ALPK2: variants seen among roughly 807,000 people sequenced by gnomAD.
ALPK2 encodes alpha-protein kinase 2.
In ALPK2, 127 loss-of-function variants were observed where a neutral mutation model predicts 163.1. The ratio of observed to expected loss-of-function variants is 0.78; its 90% CI spans 0.67 to 0.90. The LOEUF is 0.90. Among genes scored for constraint, ALPK2 ranks in the 40% least tolerant of loss-of-function variants. The pLI, the probability that ALPK2 is intolerant of heterozygous loss-of-function variation, is 0.00. For synonymous variants in ALPK2, 953 were observed against 959.1 expected (o/e 0.99, Z 0.12); for missense variants, 2,360 against 2,589.6 (o/e 0.91, Z 1.92).
chr18:58,578,736 A>ACACACACGCGCGCACGCGCG lies in ALPK2; in HGVS notation c.1962+77_1962+78insCGCGCGTGCGCGCGTGTGTG, dbSNP rs773192836. On this transcript the variant is annotated intron_variant, in intron 4 of 12. Coordinates refer to ENST00000361673, the MANE Select transcript of ALPK2 (RefSeq NM_052947.4). ...GTGAATGTGAAGTAAAGGAAGAGAC[A>ACACACACGCGCGCACGCGCG]CACACACACACACACACACACACAC... is the stretch of plus-strand genomic sequence containing the variant. 3.0e-4 allele frequency: 231 copies of ACACACACGCGCGCACGCGCG among 759,636 alleles called. 7 individuals carry two copies. The highest frequency in any genetic ancestry group is 4.5e-4 in the South Asian group (23 of 51,518). The allele number at this position is 759,636 out of a possible 1,614,324, so 47.1% of individuals were successfully genotyped here.
intron 4 of ALPK2, among the ~76,000 whole-genome samples, chr18:58,567,276 C>T (rs1160007045): frequency 1.3e-5 from 2 of 151,648 alleles, no homozygotes; most frequent in African/African-American, 4.8e-5. Context: ...CCCAACTACT[C>T]GGAAGGCTGA....
intron 4 of ALPK2, among the ~76,000 whole-genome samples, chr18:58,565,123 T>C (rs2051844852): frequency 1.3e-5 from 2 of 152,350 alleles, no homozygotes; most frequent in African/African-American, 4.8e-5. Context: ...TTTTGAAGCA[T>C]CCATCATTTG....
intron 10 of ALPK2, among the ~76,000 whole-genome samples, chr18:58,505,680 G>C (rs759711288): frequency 6.6e-6 from 1 of 152,144 alleles, no homozygotes; most frequent in South Asian, 2.1e-4. Flanking sequence ...ATTCGACATC[G>C]AAACGCAAAT....
At chr18:58,574,518 A>G (rs1443526450) in intron 4 of ALPK2, among the ~76,000 whole-genome samples, 1 of 151,706 alleles carries the variant, frequency 6.6e-6, no homozygotes, top group Admixed American at 6.6e-5. Flanking sequence ...ATGGACCGGT[A>G]ACTGTCTGTC....
chr18:58,504,013 T>C lies in ALPK2; in HGVS notation c.6165A>G (p.Ser2055=). 1 of 1,614,262 alleles carries C rather than the reference T, an allele frequency of 6.2e-7. No homozygotes were observed. Among genetic ancestry groups the C allele is most frequent in the Non-Finnish European group, 8.5e-7 (1 of 1,180,034 alleles). The part of the protein sequence containing the change: ...GKEINFLRRE[S]EAGQKCCTFQ... Reference sequence around the variant, plus strand: ...AGGTGCAACATTTCTGACCAGCTTCTGATTCTCTTCTCAAGAAGTTTATTT... The same window carrying C: ...AGGTGCAACATTTCTGACCAGCTTCCGATTCTCTTCTCAAGAAGTTTATTT... Residue 2055 remains serine (S), a synonymous_variant, in exon 11 of 13, where the codon TCA becomes TCG. Transcript: ENST00000361673.
intron 11 of ALPK2, among the ~76,000 whole-genome samples, chr18:58,499,847 A>C (rs552305194): frequency 2.0e-5 from 3 of 152,356 alleles, no homozygotes; most frequent in African/African-American, 7.2e-5. Flanking sequence ...AAAGAAAAAA[A>C]CTCAGCATCC....
rs149829322 is a variant in ALPK2, at chr18:58,535,070, G to A, written c.5117C>T (p.Thr1706Met). ...CTTCCTCTTGACCTCCTCTGACCCC[G>A]TCACTGCTGTGAGGGTCCCTGGCGA... ...GKSPGTLTAV[T>M]GSEEVKRKPE... The change falls in exon 5 of 13, where the codon ACG becomes ATG. Residue 1706 changes from threonine to methionine, a missense_variant. Transcript: ENST00000361673. 1.0e-4 allele frequency: 161 copies of A among 1,613,850 alleles called. No individual in the cohort carries two copies. Among genetic ancestry groups the A allele is most frequent in the East Asian group, 6.7e-4 (30 of 44,878 alleles).
intron 4 of ALPK2, chr18:58,577,856 T>C (rs1452501578): frequency 6.6e-6 from 1 of 152,214 alleles, no homozygotes; most frequent in Admixed American, 6.5e-5. Context: ...TTGGAGTGTA[T>C]CTAGTCTTCT....
At chr18:58,517,260 C>A in intron 8 of ALPK2, 78 bp from the exon 9 acceptor site, 2 of 1,482,610 alleles carry the variant, frequency 1.3e-6, no homozygotes, top group Non-Finnish European at 1.8e-6. Context: ...GGGGAGGGTC[C>A]CCACATAAGG....
At chr18:58,605,925 A>G (rs2052095782) in intron 3 of ALPK2, among the ~76,000 whole-genome samples, 2 of 152,246 alleles carry the variant, frequency 1.3e-5, no homozygotes, top group African/African-American at 4.8e-5. Context: ...GCGTTAAGCA[A>G]AATGCTTGGC....
In ALPK2 at chr18:58,580,555, T is replaced by C. The variant is rs766033675; in HGVS notation, c.228-7A>G. The C allele has an allele frequency of 6.2e-7, 1 of 1,609,604 alleles. No individual in the cohort carries two copies. Among genetic ancestry groups the C allele is most frequent in the South Asian group, 1.1e-5 (1 of 90,784 alleles). On this transcript the variant is annotated splice_region_variant and splice_polypyrimidine_tract_variant and intron_variant, in intron 3 of 12. Transcript: ENST00000361673. The stretch of plus-strand genomic sequence containing the variant: ...AGCATCATTTTTGGTACAGCTAGGA[T>C]GAAGAGAATATATAGATAAGTTTGC...
intron 4 of ALPK2, among the ~76,000 whole-genome samples, chr18:58,559,781 T>C (rs542205646): frequency 3.2e-4 from 48 of 152,328 alleles, no homozygotes; most frequent in African/African-American, 1.1e-3. Context: ...ATTTGCACAG[T>C]CTGCGTGAGG....
At position 58,537,368 on chromosome 18, in the gene ALPK2, A is replaced by G. The variant is rs2051657310; in HGVS notation, c.2819T>C (p.Leu940Pro). 6.2e-7 allele frequency: 1 copy of G among 1,614,034 alleles called. No homozygotes were observed. Among genetic ancestry groups the G allele is most frequent in the East Asian group, 2.2e-5 (1 of 44,854 alleles). ...AGAAGAAAGGAGCTGTGTTTCATCAAGCCCTCCTGAGTTGCTGGGGCTTGG... is the reference window on the plus strand; with the variant it reads ...AGAAGAAAGGAGCTGTGTTTCATCAGGCCCTCCTGAGTTGCTGGGGCTTGG... ...EQPSPSNSGGLDETQLLSSEN... is the reference protein window; with the variant it reads ...EQPSPSNSGGPDETQLLSSEN... The change falls in exon 5 of 13, where the codon CTT becomes CCT. Residue 940 changes from leucine to proline, a missense_variant. By Grantham distance (98) the Leu-to-Pro change is moderately conservative. Transcript: ENST00000361673.
At chr18:58,534,799 A>C in intron 5 of ALPK2, 35 bp downstream of exon 5, 1 of 1,562,514 alleles carries the variant, frequency 6.4e-7, no homozygotes, top group Non-Finnish European at 8.6e-7. Context: ...TACAAGCCCA[A>C]ACTTTAACAA....
At chr18:58,569,913 A>G (rs1487112976) in intron 4 of ALPK2, among the ~76,000 whole-genome samples, 6 of 151,780 alleles carry the variant, frequency 4.0e-5, no homozygotes, top group East Asian at 1.9e-4. Flanking sequence ...GGCGGATCAC[A>G]ATGTCAGGAG....
chr18:58,495,108 A>G (rs1385951841), intron 12 of ALPK2, among the ~76,000 whole-genome samples: 2 of 151,280 alleles, frequency 1.3e-5, no homozygotes, highest in African/African-American at 4.9e-5. Flanking sequence ...ACTGGTTTCC[A>G]CTCCAGAGGG....
At chr18:58,485,106 C>A (rs1023917294) in intron 12 of ALPK2, among the ~76,000 whole-genome samples, 3 of 152,218 alleles carry the variant, frequency 2.0e-5, no homozygotes, top group African/African-American at 7.2e-5. Context: ...AAACACAGGG[C>A]CCTTCTGAGT....
At position 58,558,788 on chromosome 18, in the gene ALPK2, G is replaced by T. The variant is rs2051808045; in HGVS notation, c.1962+20026C>A. Among the ~76,000 whole-genome samples, 2 of 152,154 alleles carry T rather than the reference G, an allele frequency of 1.3e-5. 1 individual carries two copies. The highest frequency in any genetic ancestry group is 4.1e-4 in the South Asian group (2 of 4,838). On this transcript the variant is annotated intron_variant, in intron 4 of 12. Transcript: ENST00000361673. ...AGATTCTCCCACATGGGTGACCCTT[G>T]GAAACATTACACTAAATGAAAGAAG...
At chr18:58,606,794 T>C (rs757779041) in intron 3 of ALPK2, among the ~76,000 whole-genome samples, 29 of 152,130 alleles carry the variant, frequency 1.9e-4, no homozygotes, top group Non-Finnish European at 4.0e-4. Flanking sequence ...ACTTATTGAG[T>C]TTCCTGGTTT....
Sources: gnomAD v4.1 joint callset for allele counts (sites outside exome capture counted in the v4.1 genomes callset) on GRCh38, gnomAD v4.1.1 for gene constraint, MANE v1.5 for transcripts, NCBI Gene and HGNC (gene_info 2026-07-23, HGNC 2026-07-21) for gene names.